The following CNTNAP5 variants were observed in gnomAD, a reference collection of about 807,000 sequenced individuals.
The protein encoded by CNTNAP5 is contactin associated protein family member 5.
CNTNAP5 carries 72 observed loss-of-function variants against 150.2 expected under a neutral mutation model. The observed-to-expected ratio is 0.48, with a 90% CI of 0.40 to 0.58. CNTNAP5 has a LOEUF of 0.58. Ranked by LOEUF, CNTNAP5 falls within the 20% of genes least tolerant of loss-of-function variation. The probability of loss-of-function intolerance (pLI) is 0.00; values close to 1 mark genes in which losing one functional copy is unlikely to be tolerated. For missense variants in CNTNAP5, 1,636 were observed against 1,626.2 expected, an observed-to-expected ratio of 1.01 and a Z score of -0.10; for synonymous variants, 672 against 619.8, an observed-to-expected ratio of 1.08 and a Z score of -1.25.
intron 3 of CNTNAP5, among the ~76,000 whole-genome samples, chr2:124,400,340 G>T (rs183467858): frequency 2.5e-3 from 385 of 152,182 alleles, no homozygotes; most frequent in African/African-American, 8.8e-3. Flanking sequence ...GAGAGAAAGA[G>T]AAATCATGCT....
chr2:124,372,538 C>G (rs566860509), intron 3 of CNTNAP5, among the ~76,000 whole-genome samples: 109 of 152,206 alleles, frequency 7.2e-4, no homozygotes, highest in African/African-American at 2.4e-3. Flanking sequence ...GACCTAGGAA[C>G]CAACTTGCCA....
intron 1 of CNTNAP5, among the ~76,000 whole-genome samples, chr2:124,171,016 C>T (rs1684918661): frequency 6.6e-6 from 1 of 152,148 alleles, no homozygotes. Context: ...TCTTCTCTAC[C>T]CTGCCATGTA....
At chr2:124,567,577 G>A (rs544538147) in intron 11 of CNTNAP5, among the ~76,000 whole-genome samples, 80 of 152,176 alleles carry the variant, frequency 5.3e-4, no homozygotes, top group African/African-American at 1.8e-3. Context: ...AGGAGTAACC[G>A]AATAAAAACA....
chr2:124,710,025 T>C (rs1679773475), intron 13 of CNTNAP5, among the ~76,000 whole-genome samples: 1 of 151,342 alleles, frequency 6.6e-6, no homozygotes, highest in African/African-American at 2.4e-5. Context: ...AAAAAAGTGG[T>C]CCCGGGTCTT....
At position 124,241,843 on chromosome 2, in the gene CNTNAP5, A is replaced by G. The variant is rs75709744; in HGVS notation, c.188-357A>G. Among the ~76,000 whole-genome samples, 33 of 152,318 alleles carry G rather than the reference A, an allele frequency of 2.2e-4. No homozygotes were observed. In the East Asian group the frequency reaches 6.0e-3, roughly 28 times the overall value. On this transcript the variant is annotated intron_variant, in intron 2 of 23. Coordinates refer to ENST00000682447, the MANE Select transcript of CNTNAP5 (RefSeq NM_001367498.1). ...AGTCAGAGAGAGAGAGAGAGAGCAC[A>G]TGTAAGCCTAGTTCATATATATCTG...
intron 10 of CNTNAP5, among the ~76,000 whole-genome samples, chr2:124,556,586 A>T (rs1225577372): frequency 6.6e-6 from 1 of 152,162 alleles, no homozygotes; most frequent in East Asian, 1.9e-4. Flanking sequence ...AAGCTGGAAG[A>T]CCAGTTAGCT....
At chr2:124,450,972 G>A (rs2104810372) in intron 6 of CNTNAP5, among the ~76,000 whole-genome samples, 1 of 138,056 alleles carries the variant, frequency 7.2e-6, no homozygotes, top group Non-Finnish European at 1.5e-5. Context: ...AGGCTGCAGT[G>A]AGCTATGATA....
At chr2:124,876,760 C>T (rs894255629) in intron 21 of CNTNAP5, among the ~76,000 whole-genome samples, 10 of 152,012 alleles carry the variant, frequency 6.6e-5, no homozygotes, top group Admixed American at 6.6e-5. Flanking sequence ...CAAACCACAG[C>T]CTTTTTCAGA....
At chr2:124,200,317 T>C (rs1352982578) in intron 1 of CNTNAP5, among the ~76,000 whole-genome samples, 1 of 152,202 alleles carries the variant, frequency 6.6e-6, no homozygotes, top group Non-Finnish European at 1.5e-5. Context: ...TCTTTAGAAT[T>C]TACTCTAAAT....
At chr2:124,294,777 G>A (rs1688379712) in intron 3 of CNTNAP5, among the ~76,000 whole-genome samples, 1 of 152,210 alleles carries the variant, frequency 6.6e-6, no homozygotes, top group Admixed American at 6.5e-5. Flanking sequence ...GTGAGTACAT[G>A]CCACATATAT....
chr2:124,599,020 C>T (rs543243811), intron 11 of CNTNAP5, among the ~76,000 whole-genome samples: 103 of 152,192 alleles, frequency 6.8e-4, no homozygotes, highest in African/African-American at 2.5e-3. Context: ...GGTGCGCACA[C>T]CCACTGGCCT....
At chr2:124,721,508 A>C (rs145640439) in intron 13 of CNTNAP5, among the ~76,000 whole-genome samples, 1,837 of 149,474 alleles carry the variant, frequency 0.012, 51 homozygotes, top group African/African-American at 0.044. Context: ...TAAATAAATA[A>C]ATACATAAAT....
chr2:124,046,235 G>A (rs1213955), intron 1 of CNTNAP5, among the ~76,000 whole-genome samples: 146,994 of 152,254 alleles, frequency 0.97, 71,164 homozygotes, highest in East Asian at 1. Flanking sequence ...TCTTCTAGAA[G>A]ATAAAAGACA....
At chr2:124,059,013 T>A (rs970201855) in intron 1 of CNTNAP5, among the ~76,000 whole-genome samples, 1 of 152,196 alleles carries the variant, frequency 6.6e-6, no homozygotes, top group Non-Finnish European at 1.5e-5. Flanking sequence ...GGGTATTTTT[T>A]TTAAGTTACA....
At chr2:124,738,008 A>G (rs1049321539) in intron 13 of CNTNAP5, among the ~76,000 whole-genome samples, 5 of 152,180 alleles carry the variant, frequency 3.3e-5, no homozygotes, top group African/African-American at 7.2e-5. Context: ...AATATACACA[A>G]TGGCTTTAGT....
At chr2:124,307,132 C>T (rs1573905398) in intron 3 of CNTNAP5, among the ~76,000 whole-genome samples, 1 of 152,104 alleles carries the variant, frequency 6.6e-6, no homozygotes, top group Non-Finnish European at 1.5e-5. Context: ...AAACATTTGC[C>T]TTTCATGACT....
At chr2:124,599,310 T>C (rs1290562736) in intron 11 of CNTNAP5, among the ~76,000 whole-genome samples, 1 of 152,222 alleles carries the variant, frequency 6.6e-6, no homozygotes, top group Non-Finnish European at 1.5e-5. Flanking sequence ...TTCTACTGAT[T>C]TGAGTTGCCT....
At chr2:124,800,988 G>A (rs1477583996) in intron 19 of CNTNAP5, among the ~76,000 whole-genome samples, 1 of 152,040 alleles carries the variant, frequency 6.6e-6, no homozygotes, top group African/African-American at 2.4e-5. Flanking sequence ...GGAGATGGAT[G>A]TCCAGGACAT....
chr2:124,675,676 T>A (rs915932294), intron 13 of CNTNAP5, among the ~76,000 whole-genome samples: 12 of 152,216 alleles, frequency 7.9e-5, no homozygotes, highest in Non-Finnish European at 1.5e-5. Context: ...CAATGCAATT[T>A]ACATCTGTAT....
Sources: gnomAD v4.1 joint callset for allele counts (sites outside exome capture counted in the v4.1 genomes callset) on GRCh38, gnomAD v4.1.1 for gene constraint, MANE v1.5 for transcripts, NCBI Gene and HGNC (gene_info 2026-07-23, HGNC 2026-07-21) for gene names.